The following N4BP2 variants were observed in gnomAD, a reference collection of about 807,000 sequenced individuals.
N4BP2 encodes NEDD4 binding protein 2.
Under a neutral mutation model 152.8 loss-of-function variants are expected in N4BP2, and 91 were observed. That is an observed-to-expected ratio of 0.60 (90% CI 0.50 to 0.71). The LOEUF (loss-of-function observed/expected upper bound fraction) is 0.71. Ranked by LOEUF, N4BP2 falls within the 30% of genes least tolerant of loss-of-function variation. N4BP2 has a pLI of 0.00. For synonymous variants in N4BP2, 646 were observed against 705.3 expected (o/e 0.92, Z 1.33); for missense variants, 1,923 against 2,059.1 (o/e 0.93, Z 1.28).
At chr4:40,067,407 A>ATT (rs368006880) in intron 1 of N4BP2, among the ~76,000 whole-genome samples, 3 of 135,724 alleles carry the variant, frequency 2.2e-5, no homozygotes, top group African/African-American at 8.2e-5. Context: ...TATGTACCAC[A>ATT]TTTTTTTTTT....
intron 12 of N4BP2, among the ~76,000 whole-genome samples, chr4:40,127,129 TTC>T (rs1357995282): frequency 5.9e-5 from 9 of 151,708 alleles, no homozygotes; most frequent in Non-Finnish European, 8.8e-5. Context: ...GGGTCAGTGA[TTC>T]ACCTGCCTTG....
At chr4:40,183,085 G>A in the N4BP2 span, among the ~76,000 whole-genome samples, 1 of 152,168 alleles carries the variant, frequency 6.6e-6, no homozygotes, top group Non-Finnish European at 1.5e-5. Context: ...TTAGTGGTTT[G>A]GCTTTGCTTC....
chr4:40,093,116 G>T (rs1358309547), intron 2 of N4BP2, among the ~76,000 whole-genome samples: 1 of 150,682 alleles, frequency 6.6e-6, no homozygotes, highest in African/African-American at 2.4e-5. Context: ...GCTAATTTTT[G>T]TATTTTTAGT....
At chr4:40,104,195 A>T (rs978663980) in intron 4 of N4BP2, among the ~76,000 whole-genome samples, 1 of 147,042 alleles carries the variant, frequency 6.8e-6, no homozygotes, top group Non-Finnish European at 1.5e-5. Context: ...CTCGTGATCC[A>T]CCCGCCCCGG....
the N4BP2 span, among the ~76,000 whole-genome samples, chr4:40,188,973 C>T: frequency 6.6e-6 from 1 of 151,742 alleles, no homozygotes; most frequent in Non-Finnish European, 1.5e-5. Context: ...GGCAAAACCC[C>T]GTCTCTACTA....
Position 40,102,054 on chromosome 4 carries a change from AT to A in N4BP2, c.230-19del. ...CTCTGTCTATATTTTTGTTGTTGTT[AT>A]TATTCTTGTTGTTGTACAGTTGAAA... On this transcript the variant is annotated intron_variant, in intron 3 of 17. Coordinates refer to ENST00000261435, the MANE Select transcript of N4BP2 (RefSeq NM_018177.6). 7.0e-7 allele frequency: 1 copy of A among 1,437,738 alleles called. No individual in the cohort carries two copies. Among genetic ancestry groups the A allele is most frequent in the Non-Finnish European group, 9.4e-7 (1 of 1,065,086 alleles). 89.1% of individuals were successfully genotyped at this position (1,437,738 alleles called of 1,614,324 possible). A position where few individuals can be genotyped will look rare whatever the true frequency, so the allele number is the denominator to read the frequency against.
intron 1 of N4BP2, among the ~76,000 whole-genome samples, chr4:40,060,499 C>T (rs531392350): frequency 1.4e-4 from 21 of 152,238 alleles, no homozygotes; most frequent in African/African-American, 5.1e-4. Flanking sequence ...CCCACCTTGC[C>T]CTCCCAAAGT....
At chr4:40,147,315 C>T (rs926152582) in intron 16 of N4BP2, among the ~76,000 whole-genome samples, 8 of 152,246 alleles carry the variant, frequency 5.3e-5, no homozygotes, top group Admixed American at 4.6e-4. Flanking sequence ...CTACTTCTTT[C>T]TACACAGACA....
At chr4:40,071,525 G>T (rs893502117) in intron 1 of N4BP2, among the ~76,000 whole-genome samples, 1 of 152,180 alleles carries the variant, frequency 6.6e-6, no homozygotes, top group Admixed American at 6.6e-5. Context: ...CTTCTAGCAA[G>T]TAGTAATCTA....
At chr4:40,098,055 T>G (rs1420229469) in intron 3 of N4BP2, among the ~76,000 whole-genome samples, 2 of 152,212 alleles carry the variant, frequency 1.3e-5, no homozygotes, top group African/African-American at 4.8e-5. Context: ...TCTCCTAGAA[T>G]GTAAGCTCCA....
chr4:40,090,846 T>C (rs1401186583), intron 2 of N4BP2, among the ~76,000 whole-genome samples: 1 of 151,192 alleles, frequency 6.6e-6, no homozygotes, highest in Non-Finnish European at 1.5e-5. Context: ...GGCAGGAGAA[T>C]TGCTTGAACC....
At chr4:40,071,422 G>A (rs185069959) in intron 1 of N4BP2, among the ~76,000 whole-genome samples, 6 of 152,248 alleles carry the variant, frequency 3.9e-5, no homozygotes, top group Admixed American at 2.6e-4. Flanking sequence ...GGCATATAAT[G>A]TCAGGTCCCA....
At chr4:40,069,440 C>T (rs1403934866) in intron 1 of N4BP2, among the ~76,000 whole-genome samples, 1 of 151,888 alleles carries the variant, frequency 6.6e-6, no homozygotes, top group Non-Finnish European at 1.5e-5. Flanking sequence ...CATTTTTTTC[C>T]CTTCCTTTCA....
In N4BP2 at chr4:40,097,332, GA is replaced by G; in HGVS notation, c.-7del. 2 of 1,608,236 alleles carry G rather than the reference GA, an allele frequency of 1.2e-6. No homozygotes were observed. Among genetic ancestry groups the G allele is most frequent in the Non-Finnish European group, 1.7e-6 (2 of 1,175,396 alleles). ...AGAAAAGGGAAACATTTTAGTTTTGGAAGTCAGAATGCCAAGGAGAAGGAAA... is the reference window on the plus strand; with the variant it reads ...AGAAAAGGGAAACATTTTAGTTTTGGAGTCAGAATGCCAAGGAGAAGGAAA... On this transcript the variant is annotated 5_prime_UTR_variant, in exon 3 of 18. Transcript: ENST00000261435.
chr4:40,123,128 G>C lies in N4BP2; in HGVS notation c.4200G>C (p.Gly1400=). The C allele has an allele frequency of 6.3e-7, 1 of 1,598,886 alleles. No individual in the cohort carries two copies. The highest frequency in any genetic ancestry group is 8.6e-7 in the Non-Finnish European group (1 of 1,169,208). ...CTTCCCTCCCCCTTCCCCCACAAGG[G>C]TCTCTAACAGTTGAAGATTGTGTGG... ...ELFGPVGIDS[G]SLTVEDCVVH... is the part of the protein sequence containing the mutation. Residue 1400 remains glycine (G), a splice_region_variant and synonymous_variant, in exon 10 of 18, where the codon GGG becomes GGC. Coordinates refer to ENST00000261435, the MANE Select transcript of N4BP2 (RefSeq NM_018177.6).
At chr4:40,095,780 G>A (rs1011684217) in intron 2 of N4BP2, among the ~76,000 whole-genome samples, 3 of 152,154 alleles carry the variant, frequency 2.0e-5, no homozygotes, top group Admixed American at 2.0e-4. Context: ...AGTTAGCCGT[G>A]CAGATATCTT....
chr4:40,162,657 G>A (rs1304601131), downstream of N4BP2, among the ~76,000 whole-genome samples: 1 of 152,154 alleles, frequency 6.6e-6, no homozygotes, highest in Non-Finnish European at 1.5e-5. Flanking sequence ...TATTTCAGGA[G>A]CACTGGTTTT....
chr4:40,144,581 C>T (rs367603550), intron 15 of N4BP2, 51 bp from the exon 16 acceptor site: 2 of 1,457,840 alleles, frequency 1.4e-6, no homozygotes, highest in African/African-American at 2.8e-5. Flanking sequence ...TTCCTCATCA[C>T]CCAAGTAGCA....
intron 2 of N4BP2, among the ~76,000 whole-genome samples, chr4:40,080,196 A>AC (rs1419099550): frequency 1.3e-5 from 2 of 152,058 alleles, no homozygotes; most frequent in African/African-American, 4.8e-5. Flanking sequence ...AAAGGAAGAT[A>AC]CGTAAGATTA....
Sources: gnomAD v4.1 joint callset for allele counts (sites outside exome capture counted in the v4.1 genomes callset) on GRCh38, gnomAD v4.1.1 for gene constraint, MANE v1.5 for transcripts, NCBI Gene and HGNC (gene_info 2026-07-23, HGNC 2026-07-21) for gene names.